ANKS1B: variants seen among roughly 807,000 people sequenced by gnomAD.
The protein encoded by ANKS1B is ankyrin repeat and sterile alpha motif domain-containing protein 1B.
Under a neutral mutation model 148.3 loss-of-function variants are expected in ANKS1B, and 36 were observed. The observed-to-expected ratio is 0.24, with a 90% CI of 0.19 to 0.32. The LOEUF (loss-of-function observed/expected upper bound fraction) is 0.32, where lower values mean the gene tolerates loss of function less well. Ranked by LOEUF, ANKS1B falls within the 10% of genes least tolerant of loss-of-function variation. The pLI, the probability that ANKS1B is intolerant of heterozygous loss-of-function variation, is 1.00. For missense variants in ANKS1B, 1,157 were observed against 1,542.6 expected, an observed-to-expected ratio of 0.75 and a Z score of 4.19; for synonymous variants, 542 against 560.8, an observed-to-expected ratio of 0.97 and a Z score of 0.47.
intron 9 of ANKS1B, among the ~76,000 whole-genome samples, chr12:99,545,627 T>A (rs2097165519): frequency 6.6e-6 from 1 of 151,930 alleles, no homozygotes; most frequent in South Asian, 2.1e-4. Flanking sequence ...AGGGAAAGAA[T>A]GGTATAGAAG....
chr12:99,047,072 T>C (rs1348274908), intron 17 of ANKS1B, among the ~76,000 whole-genome samples: 2 of 152,126 alleles, frequency 1.3e-5, no homozygotes, highest in Non-Finnish European at 2.9e-5. Flanking sequence ...TATTTGGGGT[T>C]TCCAAATGAG....
chr12:99,497,632 T>C (rs1334743572), intron 10 of ANKS1B, among the ~76,000 whole-genome samples: 1 of 152,156 alleles, frequency 6.6e-6, no homozygotes, highest in Non-Finnish European at 1.5e-5. Flanking sequence ...TCATATTGGA[T>C]TAGGGTCCAC....
intron 19 of ANKS1B, among the ~76,000 whole-genome samples, chr12:98,825,148 T>C (rs1003954445): frequency 6.6e-6 from 1 of 152,064 alleles, no homozygotes; most frequent in African/African-American, 2.4e-5. Context: ...GATGTGCACA[T>C]AGGCTCTTGT....
chr12:99,368,081 T>G (rs1206384050), intron 12 of ANKS1B, among the ~76,000 whole-genome samples: 1 of 152,212 alleles, frequency 6.6e-6, no homozygotes, highest in Non-Finnish European at 1.5e-5. Flanking sequence ...CAAAGCATTC[T>G]GATTATATTT....
At chr12:99,723,763 C>T (rs1044408481) in intron 8 of ANKS1B, among the ~76,000 whole-genome samples, 2 of 152,110 alleles carry the variant, frequency 1.3e-5, no homozygotes, top group Admixed American at 6.5e-5. Flanking sequence ...CGGTGCTCCT[C>T]GAGGTCAGAG....
At chr12:99,511,300 A>C (rs1024588150) in intron 9 of ANKS1B, among the ~76,000 whole-genome samples, 1 of 152,020 alleles carries the variant, frequency 6.6e-6, no homozygotes, top group Admixed American at 6.6e-5. Context: ...ATCATGAATG[A>C]ACTGCCATTC....
intron 8 of ANKS1B, among the ~76,000 whole-genome samples, chr12:99,741,705 T>C (rs1353476051): frequency 2.6e-5 from 4 of 151,906 alleles, no homozygotes; most frequent in East Asian, 1.9e-4. Flanking sequence ...TGAGAACATA[T>C]GGACACAGGG....
chr12:99,068,229 G>C (rs1474533133), intron 16 of ANKS1B, among the ~76,000 whole-genome samples: 1 of 152,048 alleles, frequency 6.6e-6, no homozygotes, highest in Non-Finnish European at 1.5e-5. Flanking sequence ...ATAAAGTTCT[G>C]TGTCACTTAA....
intron 10 of ANKS1B, among the ~76,000 whole-genome samples, chr12:99,459,369 C>T (rs1042269039): frequency 6.6e-6 from 1 of 152,062 alleles, no homozygotes; most frequent in African/African-American, 2.4e-5. Flanking sequence ...TGCCCACTTT[C>T]ACCACTTCTA....
chr12:99,798,714 T>C (rs2066568590), intron 4 of ANKS1B, among the ~76,000 whole-genome samples: 6 of 152,078 alleles, frequency 3.9e-5, no homozygotes, highest in Admixed American at 3.9e-4. Context: ...ATATGACATG[T>C]CTTCAAATAA....
intron 17 of ANKS1B, chr12:98,894,801 G>T (rs887455373): frequency 1.0e-6 from 1 of 984,550 alleles, no homozygotes; most frequent in African/African-American, 1.8e-5. Context: ...GCGCGCCGAG[G>T]AAGGGCGGGA....
At chr12:99,737,169 A>G (rs1434006890) in intron 8 of ANKS1B, among the ~76,000 whole-genome samples, 1 of 152,172 alleles carries the variant, frequency 6.6e-6, no homozygotes, top group African/African-American at 2.4e-5. Flanking sequence ...GAGATTCAGC[A>G]ATCACACTGC....
chr12:99,509,700 A>G (rs2096744905), intron 9 of ANKS1B, among the ~76,000 whole-genome samples: 1 of 152,032 alleles, frequency 6.6e-6, no homozygotes, highest in Non-Finnish European at 1.5e-5. Flanking sequence ...AGAAGCTGCA[A>G]CAAGTTATCC....
At chr12:99,851,507 C>A (rs190387679) in intron 1 of ANKS1B, among the ~76,000 whole-genome samples, 1 of 152,166 alleles carries the variant, frequency 6.6e-6, no homozygotes, top group Admixed American at 6.5e-5. Flanking sequence ...TACTAAAAAT[C>A]TAAATAAGAA....
intron 11 of ANKS1B, among the ~76,000 whole-genome samples, chr12:99,418,571 A>G (rs2094980497): frequency 6.6e-6 from 1 of 152,110 alleles, no homozygotes; most frequent in Non-Finnish European, 1.5e-5. Context: ...TTCTACGAAG[A>G]CAATCATGTC....
chr12:99,507,187 C>T (rs184271798), intron 9 of ANKS1B, among the ~76,000 whole-genome samples: 7 of 151,630 alleles, frequency 4.6e-5, no homozygotes, highest in Admixed American at 2.6e-4. Context: ...GAGATTACAA[C>T]GATAAGATTG....
chr12:99,818,635 T>C (rs1284678747), intron 2 of ANKS1B, among the ~76,000 whole-genome samples: 1 of 151,424 alleles, frequency 6.6e-6, no homozygotes, highest in Non-Finnish European at 1.5e-5. Flanking sequence ...GACAAGAAAA[T>C]AGAAAAAATA....
chr12:99,270,915 T>C (rs7964688), intron 12 of ANKS1B, among the ~76,000 whole-genome samples: 46,256 of 152,108 alleles, frequency 0.3, 8,228 homozygotes, highest in African/African-American at 0.49. Context: ...ACATTAACGA[T>C]TTCACAGATC....
chr12:99,055,459 G>A (rs1258549422), intron 16 of ANKS1B, among the ~76,000 whole-genome samples: 4 of 152,186 alleles, frequency 2.6e-5, no homozygotes, highest in Non-Finnish European at 4.4e-5. Context: ...CCAGTGAACT[G>A]TGCAATGGGG....
Sources: gnomAD v4.1 joint callset for allele counts (sites outside exome capture counted in the v4.1 genomes callset) on GRCh38, gnomAD v4.1.1 for gene constraint, MANE v1.5 for transcripts, NCBI Gene and HGNC (gene_info 2026-07-23, HGNC 2026-07-21) for gene names.